NTNG1: variants seen among roughly 807,000 people sequenced by gnomAD.
NTNG1 encodes netrin G1, also known as netrin-G1.
Under a neutral mutation model 54.0 loss-of-function variants are expected in NTNG1, and 16 were observed. The ratio of observed to expected loss-of-function variants is 0.30; its 90% CI spans 0.20 to 0.45. The LOEUF (loss-of-function observed/expected upper bound fraction) is 0.45, where lower values mean the gene tolerates loss of function less well. Among genes scored for constraint, NTNG1 ranks in the 20% least tolerant of loss-of-function variants. NTNG1 has a pLI of 1.00. For synonymous variants in NTNG1, 255 were observed against 263.1 expected (o/e 0.97, Z 0.30); for missense variants, 530 against 678.7 (o/e 0.78, Z 2.43).
chr1:107,418,644 A>C, intron 5 of NTNG1: 1 of 1,588,784 alleles, frequency 6.3e-7, no homozygotes, highest in Non-Finnish European at 8.6e-7. Flanking sequence ...ACCCAAAACA[A>C]GGTAGGAGCA....
At chr1:107,213,611 A>C (rs1392923057) in intron 2 of NTNG1, among the ~76,000 whole-genome samples, 1 of 152,108 alleles carries the variant, frequency 6.6e-6, no homozygotes, top group Non-Finnish European at 1.5e-5. Flanking sequence ...GGACTTAATC[A>C]GGGCTAGCTG....
At chr1:107,241,186 T>C (rs1054643102) in intron 2 of NTNG1, among the ~76,000 whole-genome samples, 1 of 152,242 alleles carries the variant, frequency 6.6e-6, no homozygotes, top group Non-Finnish European at 1.5e-5. Flanking sequence ...TGATTGACAG[T>C]TCAAAAATAC....
intron 3 of NTNG1, among the ~76,000 whole-genome samples, chr1:107,337,189 G>C (rs1040456214): frequency 2.6e-5 from 4 of 151,994 alleles, no homozygotes; most frequent in African/African-American, 4.8e-5. Context: ...GTTTGCAACA[G>C]CCAAAGGTGG....
intron 4 of NTNG1, among the ~76,000 whole-genome samples, chr1:107,402,463 T>G (rs1673102794): frequency 6.6e-6 from 1 of 152,138 alleles, no homozygotes; most frequent in African/African-American, 2.4e-5. Flanking sequence ...GTTCTTCCAC[T>G]CTTCAGATAT....
intron 3 of NTNG1, among the ~76,000 whole-genome samples, chr1:107,383,372 T>C (rs1644364520): frequency 6.6e-6 from 1 of 152,160 alleles, no homozygotes; most frequent in South Asian, 2.1e-4. Context: ...AAAAATTATA[T>C]TGTTTAATCC....
Position 107,200,468 on chromosome 1 carries a change from A to T in NTNG1, c.246+51629A>T, listed in dbSNP as rs1658660897. 2.1e-5 allele frequency among the ~76,000 whole-genome samples: 3 copies of T among 146,036 alleles called. No individual in the cohort carries two copies. The South Asian group carries it at 6.8e-4, about 33-fold the overall frequency. ...TTTTTGAGTCTTTCATAATGTTTTCATGAAGATTCCCATCAGGCTGCAGGG... is the reference window on the plus strand; with the variant it reads ...TTTTTGAGTCTTTCATAATGTTTTCTTGAAGATTCCCATCAGGCTGCAGGG... On this transcript the variant is annotated intron_variant, in intron 2 of 7. Transcript: ENST00000370068.
chr1:107,225,837 A>C (rs1177250374), intron 2 of NTNG1, among the ~76,000 whole-genome samples: 1 of 151,998 alleles, frequency 6.6e-6, no homozygotes, highest in African/African-American at 2.4e-5. Context: ...TTTTCATAGA[A>C]CCCTTTCCGG....
chr1:107,475,391 T>C (rs1010587803), intron 7 of NTNG1, among the ~76,000 whole-genome samples: 2 of 152,214 alleles, frequency 1.3e-5, no homozygotes, highest in African/African-American at 4.8e-5. Flanking sequence ...CTCATCTAGA[T>C]GGTTTCTAAA....
chr1:107,438,628 G>A (rs1294506510), intron 7 of NTNG1, among the ~76,000 whole-genome samples: 1 of 152,132 alleles, frequency 6.6e-6, no homozygotes, highest in African/African-American at 2.4e-5. Context: ...TTCTCAAAGA[G>A]AAGATCTCAT....
At chr1:107,435,136 A>T (rs935759412) in intron 6 of NTNG1, among the ~76,000 whole-genome samples, 3 of 152,140 alleles carry the variant, frequency 2.0e-5, no homozygotes, top group Admixed American at 2.0e-4. Context: ...CTGGCTTACA[A>T]AACATTGGTG....
chr1:107,238,678 T>C (rs946844234), intron 2 of NTNG1, among the ~76,000 whole-genome samples: 2 of 152,176 alleles, frequency 1.3e-5, no homozygotes, highest in Non-Finnish European at 2.9e-5. Flanking sequence ...AGAGTTTTCC[T>C]GTACAAGCTT....
intron 2 of NTNG1, among the ~76,000 whole-genome samples, chr1:107,321,700 A>G (rs1667671110): frequency 1.3e-5 from 2 of 152,134 alleles, no homozygotes; most frequent in African/African-American, 4.8e-5. Flanking sequence ...TTCAAGGTAT[A>G]TCAGATTATG....
intron 3 of NTNG1, among the ~76,000 whole-genome samples, chr1:107,368,402 G>A (rs1670725802): frequency 6.6e-6 from 1 of 152,052 alleles, no homozygotes; most frequent in East Asian, 1.9e-4. Context: ...GATCTTGTGT[G>A]GTAAGCACTG....
At chr1:107,191,126 G>A (rs923928937) in intron 2 of NTNG1, among the ~76,000 whole-genome samples, 3 of 152,190 alleles carry the variant, frequency 2.0e-5, no homozygotes, top group Admixed American at 6.5e-5. Flanking sequence ...ATTCTAACCG[G>A]TGTGAGATGA....
chr1:107,393,528 A>T (rs990768631), intron 3 of NTNG1, among the ~76,000 whole-genome samples: 24 of 151,980 alleles, frequency 1.6e-4, no homozygotes, highest in African/African-American at 5.6e-4. Flanking sequence ...GGTGACATTT[A>T]TGTGTCTAAG....
chr1:107,144,815 C>T (rs1653989221), intron 1 of NTNG1, among the ~76,000 whole-genome samples: 2 of 151,952 alleles, frequency 1.3e-5, no homozygotes, highest in Admixed American at 6.6e-5. Context: ...ATGGGGTACT[C>T]ACAACCTATT....
intron 5 of NTNG1, 87 bp from the exon 6 acceptor site, chr1:107,430,663 T>C: frequency 7.4e-7 from 1 of 1,352,084 alleles, no homozygotes; most frequent in Non-Finnish European, 1.1e-6. Context: ...CCGTCTTTTC[T>C]CCATCCCTCA....
intron 3 of NTNG1, among the ~76,000 whole-genome samples, chr1:107,339,485 A>G (rs1432024010): frequency 1.3e-5 from 2 of 152,144 alleles, no homozygotes; most frequent in African/African-American, 2.4e-5. Flanking sequence ...ACTATAATTT[A>G]AAAAGGAAAG....
chr1:107,301,403 C>T (rs552060928), intron 2 of NTNG1, among the ~76,000 whole-genome samples: 1 of 152,266 alleles, frequency 6.6e-6, no homozygotes, highest in East Asian at 1.9e-4. Context: ...ACTAAAGTTA[C>T]ACTGTGATAG....
Sources: allele counts gnomAD v4.1 joint callset (sites outside exome capture counted in the v4.1 genomes callset), GRCh38; gene constraint gnomAD v4.1.1; transcripts MANE v1.5; gene names NCBI Gene and HGNC (gene_info 2026-07-23, HGNC 2026-07-21).